The following PRKACB variants were observed in gnomAD, a reference collection of about 807,000 sequenced individuals.
The protein encoded by PRKACB is protein kinase cAMP-activated catalytic subunit beta, also known as cAMP-dependent protein kinase catalytic subunit beta.
Under a neutral mutation model 51.4 loss-of-function variants are expected in PRKACB, and 16 were observed. The observed-to-expected ratio is 0.31, with a 90% CI of 0.21 to 0.47. The LOEUF is 0.47. PRKACB is among the 20% of genes least tolerant of loss of function. The pLI, the probability that PRKACB is intolerant of heterozygous loss-of-function variation, is 1.00. For synonymous variants in PRKACB, 147 were observed against 154.4 expected, an observed-to-expected ratio of 0.95 and a Z score of 0.35; for missense variants, 309 against 464.5, an observed-to-expected ratio of 0.67 and a Z score of 3.08.
intron 5 of PRKACB, among the ~76,000 whole-genome samples, 187 bp downstream of exon 5, chr1:84,185,369 TA>T (rs1390819097): frequency 1.3e-5 from 2 of 151,656 alleles, no homozygotes; most frequent in South Asian, 4.2e-4. Context: ...AAATTTAATA[TA>T]AAAAAAGGAC....
intron 1 of PRKACB, among the ~76,000 whole-genome samples, chr1:84,102,727 C>T (rs1649447128): frequency 6.6e-6 from 1 of 152,184 alleles, no homozygotes; most frequent in Non-Finnish European, 1.5e-5. Context: ...CTACTCACCT[C>T]TTCACATAGG....
chr1:84,199,035 A>G (rs1669109142), intron 7 of PRKACB, among the ~76,000 whole-genome samples: 1 of 147,628 alleles, frequency 6.8e-6, no homozygotes. Context: ...ACACATATAT[A>G]CGCATATGTA....
rs906417730 is a variant in PRKACB at position 84,078,425 on chromosome 1, G to A, written c.46+54G>A. 1.9e-6 allele frequency: 3 copies of A among 1,589,348 alleles called. No individual in the cohort carries two copies. In the African/African-American group the frequency reaches 4.0e-5, roughly 21 times the overall value. Reference sequence around the variant, plus strand: ...GCTGGGCGGGCCGGCGCGGGGCACCGAGCGCCCTCCGGGTCGCAGCTTCTG... The same window carrying A: ...GCTGGGCGGGCCGGCGCGGGGCACCAAGCGCCCTCCGGGTCGCAGCTTCTG... On this transcript the variant is annotated intron_variant, in intron 1 of 8. Coordinates refer to the PRKACB transcript ENST00000370688.
intron 1 of PRKACB, among the ~76,000 whole-genome samples, chr1:84,110,458 C>G (rs1001147730): frequency 6.6e-6 from 1 of 151,818 alleles, no homozygotes; most frequent in African/African-American, 2.4e-5. Flanking sequence ...CTTGCTTCCT[C>G]TATGCTGTAT....
At chr1:84,202,467 A>C (rs1349733499) in intron 7 of PRKACB, among the ~76,000 whole-genome samples, 1 of 152,058 alleles carries the variant, frequency 6.6e-6, no homozygotes, top group East Asian at 1.9e-4. Context: ...ACTCTTTCCT[A>C]ATATCCAATT....
intron 3 of PRKACB, among the ~76,000 whole-genome samples, chr1:84,183,244 T>A (rs1452766037): frequency 2.0e-5 from 3 of 151,998 alleles, no homozygotes; most frequent in Non-Finnish European, 4.4e-5. Context: ...AAGTCACCAC[T>A]TCTTAAATTC....
At chr1:84,158,132 G>T (rs554634992) in intron 1 of PRKACB, among the ~76,000 whole-genome samples, 1 of 151,702 alleles carries the variant, frequency 6.6e-6, no homozygotes, top group South Asian at 2.1e-4. Flanking sequence ...CTGGAGTGCA[G>T]TGGCGCAAGT....
intron 9 of PRKACB, among the ~76,000 whole-genome samples, chr1:84,224,057 G>A (rs540813816): frequency 1.3e-5 from 2 of 152,312 alleles, no homozygotes; most frequent in South Asian, 4.1e-4. Flanking sequence ...GCATGCAGTA[G>A]TGTAGTCTCT....
intron 5 of PRKACB, among the ~76,000 whole-genome samples, chr1:84,191,179 G>A (rs1414800953): frequency 6.6e-6 from 1 of 152,068 alleles, no homozygotes; most frequent in African/African-American, 2.4e-5. Flanking sequence ...TCCATGTTTA[G>A]GACTCCCTTA....
rs149713708 is a variant in PRKACB at position 84,136,481 on chromosome 1, C to T, written c.47-42696C>T. Among the ~76,000 whole-genome samples, 114 of 147,496 alleles carry T rather than the reference C, an allele frequency of 7.7e-4. 3 individuals are homozygous for T. In the East Asian group the frequency reaches 0.018, roughly 24 times the overall value. ...AGATACCACTGTACACTTACTAGAA[C>T]GGCCAAAACCACACACACACACACA... On this transcript the variant is annotated intron_variant, in intron 1 of 8. Transcript: ENST00000370688.
intron 1 of PRKACB, among the ~76,000 whole-genome samples, chr1:84,080,340 T>G (rs1057066875): frequency 6.6e-6 from 1 of 152,232 alleles, no homozygotes. Flanking sequence ...CTTTAAATGT[T>G]TATCTGAACA....
At chr1:84,188,259 CA>C (rs2101064705) in intron 5 of PRKACB, among the ~76,000 whole-genome samples, 1 of 151,838 alleles carries the variant, frequency 6.6e-6, no homozygotes, top group African/African-American at 2.4e-5. Flanking sequence ...TTATTTTTAT[CA>C]ATTATTTAAT....
rs570157861 is a variant in PRKACB at position 84,209,383 on chromosome 1, C to G, written c.907-4770C>G. Among the ~76,000 whole-genome samples, 54 of 152,248 alleles carry G rather than the reference C, an allele frequency of 3.5e-4. 1 individual carries two copies. The East Asian group carries it at 0.01, about 28-fold the overall frequency. The stretch of plus-strand genomic sequence containing the variant: ...CCTCTTTCCTACACTCCACCCACCC[C>G]CCTCCACGAAGCCTTCCCCATCTAA... On this transcript the variant is annotated intron_variant, in intron 8 of 9. Transcript: ENST00000370685.
At chr1:84,110,922 C>A (rs1383009030) in intron 1 of PRKACB, among the ~76,000 whole-genome samples, 1 of 151,964 alleles carries the variant, frequency 6.6e-6, no homozygotes. Flanking sequence ...TTTTCCTTGT[C>A]TTCTACCTCT....
chr1:84,217,549 A>G (rs150900136), intron 9 of PRKACB, among the ~76,000 whole-genome samples: 316 of 136,610 alleles, frequency 2.3e-3, no homozygotes, highest in South Asian at 4.4e-3. Flanking sequence ...AATCCCATCA[A>G]TTTAGGAGTC....
At chr1:84,206,850 T>A (rs575269441) in intron 8 of PRKACB, among the ~76,000 whole-genome samples, 76 of 152,322 alleles carry the variant, frequency 5.0e-4, no homozygotes, top group African/African-American at 1.8e-3. Flanking sequence ...AGGGCCAAAC[T>A]TGTAAGCAGT....
intron 1 of PRKACB, among the ~76,000 whole-genome samples, chr1:84,123,764 C>G (rs896649575): frequency 1.3e-5 from 2 of 152,092 alleles, no homozygotes; most frequent in Admixed American, 1.3e-4. Context: ...TTATTTACTT[C>G]ATGTGAAACA....
intron 9 of PRKACB, among the ~76,000 whole-genome samples, chr1:84,223,802 A>C (rs766469011): frequency 5.9e-5 from 9 of 152,026 alleles, no homozygotes; most frequent in Non-Finnish European, 1.3e-4. Flanking sequence ...ATTAGTTTGA[A>C]TTCTTTTTCA....
At chr1:84,085,712 G>A (rs950716000) in intron 1 of PRKACB, 18 of 217,650 alleles carry the variant, frequency 8.3e-5, no homozygotes, top group Non-Finnish European at 1.4e-4. Context: ...GGGCTGGGCT[G>A]TGCATCCCTC....
Sources: allele counts gnomAD v4.1 joint callset (sites outside exome capture counted in the v4.1 genomes callset), GRCh38; gene constraint gnomAD v4.1.1; transcripts MANE v1.5; gene names NCBI Gene and HGNC (gene_info 2026-07-23, HGNC 2026-07-21).